The following DPF3 variants were observed in gnomAD, a reference collection of about 807,000 sequenced individuals.
DPF3 encodes the protein double PHD fingers 3.
Under a neutral mutation model 56.8 loss-of-function variants are expected in DPF3, and 18 were observed. The ratio of observed to expected loss-of-function variants is 0.32; its 90% confidence interval spans 0.22 to 0.47. DPF3 has a LOEUF of 0.47. Among genes scored for constraint, DPF3 ranks in the 20% least tolerant of loss-of-function variants. The pLI, the probability that DPF3 is intolerant of heterozygous loss-of-function variation, is 1.00. For missense variants in DPF3, 403 were observed against 488.8 expected, an observed-to-expected ratio of 0.82 and a Z score of 1.65; for synonymous variants, 188 against 180.2, an observed-to-expected ratio of 1.04 and a Z score of -0.35.
chr14:72,834,293 T>C (rs1884191007), intron 1 of DPF3, among the ~76,000 whole-genome samples: 1 of 151,786 alleles, frequency 6.6e-6, no homozygotes, highest in Non-Finnish European at 1.5e-5. Context: ...GGTCAGGAGT[T>C]TGAGACCAGC....
At chr14:72,654,590 G>T (rs907849589) in intron 8 of DPF3, among the ~76,000 whole-genome samples, 1 of 152,112 alleles carries the variant, frequency 6.6e-6, no homozygotes, top group African/African-American at 2.4e-5. Context: ...CACTGCCTTT[G>T]TCAACTCAAT....
chr14:72,691,304 C>T lies in DPF3; in HGVS notation c.742+1772G>A, dbSNP rs932341058. Among the ~76,000 whole-genome samples the T allele has an allele frequency of 1.1e-4, 17 of 152,162 alleles. No individual in the cohort carries two copies. In the East Asian group the frequency reaches 1.3e-3, roughly 12 times the overall value. On this transcript the variant is annotated intron_variant, in intron 7 of 10. Coordinates refer to ENST00000556509, the MANE Select transcript of DPF3 (RefSeq NM_001280542.3). ...CACTCCCAAATTCCTATGTTGAAAG[C>T]GTAACCCATGGTACCTCATACTGTG... is the stretch of plus-strand genomic sequence containing the variant.
intron 1 of DPF3, chr14:72,892,141 A>T (rs776893735): frequency 2.6e-6 from 4 of 1,533,038 alleles, no homozygotes; most frequent in East Asian, 4.9e-5. Flanking sequence ...CCAGGAGGAA[A>T]CAAACCTGGT....
chr14:72,662,949 AAG>A (rs1491026710), intron 8 of DPF3: 30 of 691,434 alleles, frequency 4.3e-5, no homozygotes, highest in South Asian at 6.5e-5. Context: ...AAAAAAAAAA[AAG>A]AAGAAGAAAG....
At chr14:72,681,236 TC>T (rs754186801) in intron 7 of DPF3, among the ~76,000 whole-genome samples, 9 of 151,698 alleles carry the variant, frequency 5.9e-5, no homozygotes, top group Non-Finnish European at 1.2e-4. Context: ...GGACGGAGAG[TC>T]CCCCGAGCAC....
Position 72,611,514 on chromosome 14 carries a change from AC to A in DPF3, c.*7782del, listed in dbSNP as rs71448400. On this transcript the variant is annotated 3_prime_UTR_variant, in exon 11 of 11. Coordinates refer to ENST00000556509, the MANE Select transcript of DPF3 (RefSeq NM_001280542.3). ...TGCCCAATCTGTACTTGAAGCCCCC[AC>A]CCCCCCAGTCCCGCTCTCTGCTTTC... Among the ~76,000 whole-genome samples, 2 of 148,152 alleles carry A rather than the reference AC, an allele frequency of 1.3e-5. No individual in the cohort carries two copies. The highest frequency in any genetic ancestry group is 1.3e-4 in the Admixed American group (2 of 14,914).
intron 2 of DPF3, among the ~76,000 whole-genome samples, chr14:72,756,880 AGAAG>A (rs1259100124): frequency 3.0e-5 from 3 of 101,682 alleles, no homozygotes; most frequent in Non-Finnish European, 4.0e-5. Flanking sequence ...AAGGAAGGAA[AGAAG>A]GAAAGAAAGA....
chr14:72,786,934 T>C (rs753959354), intron 1 of DPF3, among the ~76,000 whole-genome samples: 5 of 152,218 alleles, frequency 3.3e-5, no homozygotes, highest in Non-Finnish European at 7.3e-5. Context: ...AAAGGACACA[T>C]CCTAGAGGCG....
intron 8 of DPF3, among the ~76,000 whole-genome samples, chr14:72,638,965 C>T (rs757573846): frequency 3.3e-5 from 5 of 151,984 alleles, no homozygotes; most frequent in Admixed American, 1.3e-4. Context: ...TACAGGCGCC[C>T]GCCACCATGC....
chr14:72,671,097 G>T (rs770784933), intron 8 of DPF3: 1 of 1,608,766 alleles, frequency 6.2e-7, no homozygotes. Context: ...CAAAGTCAGA[G>T]GGGGATGGCT....
intron 1 of DPF3, among the ~76,000 whole-genome samples, chr14:72,826,129 A>G (rs1347209861): frequency 6.6e-6 from 1 of 152,190 alleles, no homozygotes; most frequent in African/African-American, 2.4e-5. Context: ...TTGTCTTGAG[A>G]TCAGGGACAT....
chr14:72,652,041 CTT>C (rs1322236327), intron 8 of DPF3, among the ~76,000 whole-genome samples: 1 of 152,218 alleles, frequency 6.6e-6, no homozygotes, highest in African/African-American at 2.4e-5. Flanking sequence ...GTTACTGAAA[CTT>C]TCTCAACCCC....
intron 1 of DPF3, among the ~76,000 whole-genome samples, chr14:72,875,912 T>C (rs556167698): frequency 1.3e-5 from 2 of 152,132 alleles, no homozygotes; most frequent in African/African-American, 4.8e-5. Flanking sequence ...GCAGCCTCAC[T>C]CTCCCCTATT....
At chr14:72,795,710 T>C (rs1334327853) in intron 1 of DPF3, among the ~76,000 whole-genome samples, 1 of 152,166 alleles carries the variant, frequency 6.6e-6, no homozygotes, top group East Asian at 1.9e-4. Context: ...AGACTGACCC[T>C]TTCATGCTGA....
chr14:72,672,076 C>T (rs932039165), intron 8 of DPF3, among the ~76,000 whole-genome samples: 1 of 151,874 alleles, frequency 6.6e-6, no homozygotes, highest in Non-Finnish European at 1.5e-5. Flanking sequence ...CACACACACA[C>T]ACACACACCC....
chr14:72,727,531 G>A (rs572331256), intron 4 of DPF3, among the ~76,000 whole-genome samples: 40 of 150,276 alleles, frequency 2.7e-4, no homozygotes, highest in African/African-American at 9.6e-4. Context: ...AGCTGAGATT[G>A]TACCATTGCA....
chr14:72,826,792 C>T (rs1180725888), intron 1 of DPF3, among the ~76,000 whole-genome samples: 1 of 152,160 alleles, frequency 6.6e-6, no homozygotes, highest in African/African-American at 2.4e-5. Flanking sequence ...CCTGTAGTTC[C>T]AGCACTTTGG....
chr14:72,658,566 G>T (rs1180785495), intron 8 of DPF3, among the ~76,000 whole-genome samples: 1 of 152,158 alleles, frequency 6.6e-6, no homozygotes, highest in African/African-American at 2.4e-5. Flanking sequence ...TCTACCCAGA[G>T]TTCTAAAGAG....
chr14:72,745,969 C>T (rs1330978316), intron 3 of DPF3, among the ~76,000 whole-genome samples: 1 of 152,190 alleles, frequency 6.6e-6, no homozygotes, highest in African/African-American at 2.4e-5. Flanking sequence ...GAGGGCAGAG[C>T]CTCTGGAAGT....
Sources: gnomAD v4.1 joint callset for allele counts (sites outside exome capture counted in the v4.1 genomes callset) on GRCh38, gnomAD v4.1.1 for gene constraint, MANE v1.5 for transcripts, NCBI Gene and HGNC (gene_info 2026-07-23, HGNC 2026-07-21) for gene names.